SRRM4: variants seen among roughly 807,000 people sequenced by gnomAD.
The protein encoded by SRRM4 is serine/arginine repetitive matrix 4, also known as serine/arginine repetitive matrix protein 4.
Under a neutral mutation model 68.9 loss-of-function variants are expected in SRRM4, and 33 were observed. The observed-to-expected ratio is 0.48, with a 90% CI of 0.36 to 0.64. The LOEUF (loss-of-function observed/expected upper bound fraction) is 0.64, where lower values mean the gene tolerates loss of function less well. Among genes scored for constraint, SRRM4 ranks in the 30% least tolerant of loss-of-function variants. SRRM4 has a pLI of 0.00. For synonymous variants in SRRM4, 318 were observed against 318.8 expected (o/e 1.00, Z 0.03); for missense variants, 817 against 827.1 (o/e 0.99, Z 0.15).
At position 119,102,251 on chromosome 12, in the gene SRRM4, T is replaced by A; in HGVS notation, c.147T>A (p.Asn49Lys). ...TCTTCTGTAGGACAGAGCCCCAGAA[T>A]AACCCCGTTGTCCCAGCTCAGGATG... ...RKPLPRTEPQ[N>K]NPVVPAQDGP... is the part of the protein sequence containing the mutation. Residue 49 changes from asparagine (N) to lysine (K), a missense_variant, in exon 2 of 13, where the codon AAT becomes AAA. Physicochemically the swap from Asn to Lys is moderately conservative, Grantham distance 94 (BLOSUM62 0). Coordinates refer to ENST00000267260, the MANE Select transcript of SRRM4 (RefSeq NM_194286.4). The A allele has an allele frequency of 6.2e-7, 1 of 1,613,494 alleles. No individual in the cohort carries two copies. The highest frequency in any genetic ancestry group is 1.3e-5 in the African/African-American group (1 of 75,030).
chr12:119,066,820 A>G (rs1302458216), intron 1 of SRRM4, among the ~76,000 whole-genome samples: 1 of 152,204 alleles, frequency 6.6e-6, no homozygotes, highest in African/African-American at 2.4e-5. Context: ...ACGACGATGA[A>G]TTCCTGCAAA....
intron 9 of SRRM4, among the ~76,000 whole-genome samples, chr12:119,147,740 T>C (rs1230708739): frequency 6.6e-6 from 1 of 152,244 alleles, no homozygotes; most frequent in African/African-American, 2.4e-5. Context: ...ACACACTCAC[T>C]AGATGCAGTT....
At chr12:119,044,861 G>A (rs1296875950) in intron 1 of SRRM4, among the ~76,000 whole-genome samples, 4 of 152,136 alleles carry the variant, frequency 2.6e-5, no homozygotes, top group African/African-American at 9.7e-5. Flanking sequence ...AAGGGCAATG[G>A]GGGCATAGTG....
chr12:119,029,817 G>A (rs1953575721), intron 1 of SRRM4, among the ~76,000 whole-genome samples: 1 of 152,166 alleles, frequency 6.6e-6, no homozygotes, highest in South Asian at 2.1e-4. Flanking sequence ...TGGGAGCCTT[G>A]GATTAAATGC....
At chr12:118,998,268 CAAAAAA>C (rs35250419) in intron 1 of SRRM4, among the ~76,000 whole-genome samples, 34 of 36,574 alleles carry the variant, frequency 9.3e-4, no homozygotes, top group Admixed American at 1.1e-3. Flanking sequence ...AGCAATATGG[CAAAAAA>C]AAAAAAAAAA....
rs147174404 is a variant in SRRM4 at position 119,091,956 on chromosome 12, C to T, written c.132-10280C>T. Among the ~76,000 whole-genome samples, 372 of 152,296 alleles carry T rather than the reference C, an allele frequency of 2.4e-3. 2 individuals carry two copies. The highest frequency in any genetic ancestry group is 8.7e-3 in the African/African-American group (361 of 41,542). On this transcript the variant is annotated intron_variant, in intron 1 of 12. Transcript: ENST00000267260. Reference sequence around the variant, plus strand: ...TATGTTTGGATCATCTTGAAACAACCCTCCTCAGGAGTAAAATGATGCTTA... The same window carrying T: ...TATGTTTGGATCATCTTGAAACAACTCTCCTCAGGAGTAAAATGATGCTTA...
intron 1 of SRRM4, among the ~76,000 whole-genome samples, chr12:119,079,254 T>A (rs931287169): frequency 2.0e-5 from 3 of 152,126 alleles, no homozygotes; most frequent in Admixed American, 1.3e-4. Context: ...ACTTCAGAAA[T>A]GATGGGCTGA....
rs1565921497 is a variant in SRRM4, at chr12:119,156,672, T to C, written c.1710T>C (p.Ser570=). 6.4e-7 allele frequency: 1 copy of C among 1,560,822 alleles called. No individual in the cohort carries two copies. Residue 570 remains serine (S), a synonymous_variant, in exon 13 of 13, where the codon TCT becomes TCC. Coordinates refer to ENST00000267260, the MANE Select transcript of SRRM4 (RefSeq NM_194286.4). ...GCCGGACCCGCACGAGCAGCAGCTC[T>C]AGCTCCCGCAGCCCTAGTCCGGGCT... The part of the protein sequence containing the change: ...RRSRTRTSSS[S]SSRSPSPGSR...
intron 1 of SRRM4, among the ~76,000 whole-genome samples, chr12:119,011,163 T>C (rs945227943): frequency 2.6e-5 from 4 of 151,970 alleles, no homozygotes; most frequent in African/African-American, 9.7e-5. Context: ...CAAGCTTTCC[T>C]CCTGTGTTAG....
chr12:119,004,972 G>C (rs1953407255), intron 1 of SRRM4, among the ~76,000 whole-genome samples: 1 of 150,446 alleles, frequency 6.6e-6, no homozygotes, highest in Non-Finnish European at 1.5e-5. Context: ...GGTTCACCCA[G>C]AGAAGATTAA....
intron 1 of SRRM4, among the ~76,000 whole-genome samples, chr12:119,069,388 G>A (rs749834517): frequency 6.6e-6 from 1 of 152,166 alleles, no homozygotes; most frequent in Non-Finnish European, 1.5e-5. Context: ...GAAGTAGCTC[G>A]ACCAGCATGG....
intron 1 of SRRM4, among the ~76,000 whole-genome samples, chr12:118,985,512 A>G (rs187926736): frequency 6.6e-6 from 1 of 152,310 alleles, no homozygotes; most frequent in East Asian, 1.9e-4. Context: ...TGTCATTAGT[A>G]ATTACCTAGG....
intron 1 of SRRM4, among the ~76,000 whole-genome samples, chr12:119,092,313 C>T (rs1327626113): frequency 6.6e-6 from 1 of 152,190 alleles, no homozygotes; most frequent in Non-Finnish European, 1.5e-5. Context: ...ACGCATTTCC[C>T]TAGCTCTGAT....
chr12:119,142,408 G>A (rs1250525219), intron 8 of SRRM4, among the ~76,000 whole-genome samples: 1 of 152,202 alleles, frequency 6.6e-6, no homozygotes, highest in African/African-American at 2.4e-5. Context: ...TACTCTGAAA[G>A]TATCCCTGTG....
intron 1 of SRRM4, among the ~76,000 whole-genome samples, chr12:119,067,274 A>T (rs1953851812): frequency 6.6e-6 from 1 of 152,218 alleles, no homozygotes; most frequent in Admixed American, 6.5e-5. Context: ...TGTCTGACAC[A>T]AAGTAAGTGC....
At chr12:119,011,769 A>G (rs1393901377) in intron 1 of SRRM4, among the ~76,000 whole-genome samples, 4 of 152,182 alleles carry the variant, frequency 2.6e-5, no homozygotes, top group Non-Finnish European at 5.9e-5. Flanking sequence ...TCCCTTCTAC[A>G]AAATAGGGAG....
chr12:119,029,950 T>C (rs549040925), intron 1 of SRRM4, among the ~76,000 whole-genome samples: 15 of 152,234 alleles, frequency 9.9e-5, no homozygotes, highest in African/African-American at 3.6e-4. Flanking sequence ...GGCCCATACC[T>C]GGGGACCCAT....
intron 1 of SRRM4, among the ~76,000 whole-genome samples, chr12:118,982,693 TTTC>T (rs1251538516): frequency 5.4e-4 from 55 of 101,578 alleles, no homozygotes; most frequent in African/African-American, 2.0e-3. Context: ...TTTTTTTTTT[TTTC>T]CAAAAAGAAT....
intron 2 of SRRM4, among the ~76,000 whole-genome samples, chr12:119,106,170 C>G (rs1954106467): frequency 1.3e-5 from 2 of 152,110 alleles, no homozygotes; most frequent in South Asian, 4.1e-4. Context: ...TGGTCTATAT[C>G]TCTGTTTTGG....
Sources: allele counts gnomAD v4.1 joint callset (sites outside exome capture counted in the v4.1 genomes callset), GRCh38; gene constraint gnomAD v4.1.1; transcripts MANE v1.5; gene names NCBI Gene and HGNC (gene_info 2026-07-23, HGNC 2026-07-21).